Variants in FERMT2 observed in about 807,000 individuals in gnomAD.
FERMT2 encodes fermitin family homolog 2.
FERMT2 carries 15 observed loss-of-function variants against 82.7 expected under a neutral mutation model. The ratio of observed to expected loss-of-function variants is 0.18; its 90% CI spans 0.12 to 0.28. The LOEUF is 0.28. FERMT2 is among the 10% of genes least tolerant of loss of function. The pLI is 1.00. For missense variants in FERMT2, 645 were observed against 809.4 expected, an observed-to-expected ratio of 0.80 and a Z score of 2.46; for synonymous variants, 274 against 271.5, an observed-to-expected ratio of 1.01 and a Z score of -0.09.
intron 2 of FERMT2, among the ~76,000 whole-genome samples, chr14:52,934,234 T>C (rs1026918339): frequency 9.2e-5 from 14 of 152,176 alleles, no homozygotes; most frequent in Non-Finnish European, 1.8e-4. Flanking sequence ...TATTCCAAGA[T>C]AAAAGTTCAT....
chr14:52,928,834 C>T (rs911860704), intron 2 of FERMT2, among the ~76,000 whole-genome samples: 4 of 152,136 alleles, frequency 2.6e-5, no homozygotes, highest in African/African-American at 9.7e-5. Flanking sequence ...CCAGATGGGC[C>T]TCCTGTCTTT....
intron 3 of FERMT2, among the ~76,000 whole-genome samples, chr14:52,906,037 A>T (rs1887990054): frequency 6.6e-6 from 1 of 152,234 alleles, no homozygotes; most frequent in South Asian, 2.1e-4. Flanking sequence ...TTAGGCAACA[A>T]GATGCACGAA....
chr14:52,893,175 G>GT lies in FERMT2; in HGVS notation c.526+117dup, dbSNP rs376645544. ...CCATGCCTGGCTAATTGAAGTTTTT[G>GT]TTTTTTTAACTTGACCACTCTTCCT... On this transcript the variant is annotated intron_variant, in intron 4 of 14. Coordinates refer to ENST00000341590, the MANE Select transcript of FERMT2 (RefSeq NM_006832.3). 168 of 947,294 alleles carry GT rather than the reference G, an allele frequency of 1.8e-4. No homozygotes were observed. The African/African-American group carries it at 2.4e-3, about 13-fold the overall frequency. The allele number at this position is 947,294 out of a possible 1,614,324, so 58.7% of individuals were successfully genotyped here. A position where few individuals can be genotyped will look rare whatever the true frequency, so the allele number is the denominator to read the frequency against.
At chr14:52,943,952 A>C (rs1890209542) in intron 2 of FERMT2, among the ~76,000 whole-genome samples, 1 of 152,238 alleles carries the variant, frequency 6.6e-6, no homozygotes, top group African/African-American at 2.4e-5. Flanking sequence ...CATCTCTATA[A>C]ATAAGTTAAC....
chr14:52,933,594 C>T (rs1366381088), intron 2 of FERMT2, among the ~76,000 whole-genome samples: 1 of 151,436 alleles, frequency 6.6e-6, no homozygotes, highest in Non-Finnish European at 1.5e-5. Context: ...CCTGTAATCC[C>T]AGCTACTTGG....
chr14:52,932,293 G>A (rs1276608097), intron 2 of FERMT2, among the ~76,000 whole-genome samples: 2 of 152,132 alleles, frequency 1.3e-5, no homozygotes, highest in African/African-American at 4.8e-5. Context: ...GAGGCCAAAA[G>A]ACTAATGTTA....
intron 4 of FERMT2, among the ~76,000 whole-genome samples, chr14:52,885,600 T>C (rs1219501998): frequency 6.6e-6 from 1 of 152,130 alleles, no homozygotes; most frequent in Non-Finnish European, 1.5e-5. Flanking sequence ...GAAAGATAAC[T>C]TAAAAACTCT....
Position 52,909,904 on chromosome 14 carries a change from T to C in FERMT2, c.391+9219A>G, listed in dbSNP as rs1254769857. Among the ~76,000 whole-genome samples, 3 of 151,664 alleles carry C rather than the reference T, an allele frequency of 2.0e-5. No homozygotes were observed. The East Asian group carries it at 5.8e-4, about 29-fold the overall frequency. On this transcript the variant is annotated intron_variant, in intron 3 of 14. Transcript: ENST00000341590. ...CCTGTCTCTACTAAAAATACAAAAA[T>C]TAGCTGGGCGTGGTGGAGCGCACCT...
intron 4 of FERMT2, among the ~76,000 whole-genome samples, chr14:52,892,716 A>T (rs1750193869): frequency 1.3e-5 from 2 of 152,158 alleles, no homozygotes; most frequent in African/African-American, 4.8e-5. Context: ...TTGGCTTCCC[A>T]AAGTGCTGGG....
chr14:52,914,821 G>A (rs1360475491), intron 3 of FERMT2, among the ~76,000 whole-genome samples: 1 of 152,200 alleles, frequency 6.6e-6, no homozygotes, highest in Non-Finnish European at 1.5e-5. Context: ...TTGGGAGGCT[G>A]AGGCAGAAGA....
chr14:52,930,274 C>T (rs1889501238), intron 2 of FERMT2, among the ~76,000 whole-genome samples: 1 of 152,166 alleles, frequency 6.6e-6, no homozygotes, highest in Non-Finnish European at 1.5e-5. Flanking sequence ...TCAAGACAAT[C>T]TCTATTGTGC....
intron 10 of FERMT2, among the ~76,000 whole-genome samples, chr14:52,865,768 A>G (rs531197761): frequency 6.2e-4 from 94 of 152,312 alleles, no homozygotes; most frequent in African/African-American, 2.3e-3. Context: ...TATTCAGAAG[A>G]ACAAATGTTA....
intron 6 of FERMT2, among the ~76,000 whole-genome samples, chr14:52,880,372 T>C (rs1886215325): frequency 6.6e-6 from 1 of 152,194 alleles, no homozygotes; most frequent in Non-Finnish European, 1.5e-5. Context: ...AGAGAGGTCT[T>C]ATATTTTAAA....
At chr14:52,866,629 C>A (rs551098939) in intron 10 of FERMT2, among the ~76,000 whole-genome samples, 21 of 152,132 alleles carry the variant, frequency 1.4e-4, no homozygotes, top group Non-Finnish European at 2.4e-4. Flanking sequence ...TGGATACCAA[C>A]CTCAGCTGGG....
chr14:52,871,488 C>T (rs1367661567), intron 10 of FERMT2: 1 of 152,158 alleles, frequency 6.6e-6, no homozygotes, highest in Non-Finnish European at 1.5e-5. Flanking sequence ...AAGTGAGAGG[C>T]TCATTAACGC....
rs572227928 is a variant in FERMT2, at chr14:52,895,037, CAAG to C, written c.392-1613_392-1611del. On this transcript the variant is annotated intron_variant, in intron 3 of 14. Coordinates refer to ENST00000341590, the MANE Select transcript of FERMT2 (RefSeq NM_006832.3). Reference sequence around the variant, plus strand: ...GAATATAAAAAGAGCCCTAACAACTCAAGAAGACAAATGAACTAAGATCTGGAC... The same window carrying C: ...GAATATAAAAAGAGCCCTAACAACTCAAGACAAATGAACTAAGATCTGGAC... 6.0e-4 allele frequency among the ~76,000 whole-genome samples: 91 copies of C among 152,230 alleles called. 1 individual carries two copies. Among genetic ancestry groups the C allele is most frequent in the African/African-American group, 2.0e-3 (84 of 41,542 alleles).
In FERMT2 at chr14:52,858,158, C is replaced by T; in HGVS notation, c.*219G>A. The T allele has an allele frequency of 2.0e-6, 1 of 491,170 alleles. No individual in the cohort carries two copies. The highest frequency in any genetic ancestry group is 3.0e-5 in the South Asian group (1 of 33,126). The allele number at this position is 491,170 out of a possible 1,614,324, so 30.4% of individuals were successfully genotyped here. Reference sequence around the variant, plus strand: ...ACTATTTCAGTTTTCAATTCATGGCCCTAAGGAATGTGTGACAAATTCAAG... The same window carrying T: ...ACTATTTCAGTTTTCAATTCATGGCTCTAAGGAATGTGTGACAAATTCAAG... On this transcript the variant is annotated 3_prime_UTR_variant, in exon 15 of 15. Transcript: ENST00000341590.
chr14:52,950,663 G>C, intron 1 of FERMT2, 86 bp from the exon 2 acceptor site: 1 of 1,409,848 alleles, frequency 7.1e-7, no homozygotes, highest in Non-Finnish European at 9.8e-7. Flanking sequence ...CCGGCCACGG[G>C]CTGGGAGGTG....
At chr14:52,881,911 G>A (rs1278771286) in intron 4 of FERMT2, 6 of 543,828 alleles carry the variant, frequency 1.1e-5, no homozygotes, top group Middle Eastern at 3.3e-4. Flanking sequence ...AAAAGAAAAT[G>A]AGAAAAAGAA....
Sources: gnomAD v4.1 joint callset for allele counts (sites outside exome capture counted in the v4.1 genomes callset) on GRCh38, gnomAD v4.1.1 for gene constraint, MANE v1.5 for transcripts, NCBI Gene and HGNC (gene_info 2026-07-23, HGNC 2026-07-21) for gene names.